PARD3: variants seen among roughly 807,000 people sequenced by gnomAD.
PARD3 encodes the protein partitioning defective 3 homolog.
PARD3 carries 75 observed loss-of-function variants against 155.4 expected under a neutral mutation model. The observed-to-expected ratio is 0.48, with a 90% CI of 0.40 to 0.58. The LOEUF is 0.58. PARD3 is among the 20% of genes least tolerant of loss of function. PARD3 has a pLI of 0.00. For synonymous variants in PARD3, 576 were observed against 610.5 expected (o/e 0.94, Z 0.83); for missense variants, 1,642 against 1,721.7 (o/e 0.95, Z 0.82).
At chr10:34,636,732 G>A (rs1169019375) in intron 2 of PARD3, among the ~76,000 whole-genome samples, 1 of 152,186 alleles carries the variant, frequency 6.6e-6, no homozygotes, top group Non-Finnish European at 1.5e-5. Context: ...GAGGATTCAT[G>A]CCTGGAGAAA....
At chr10:34,785,113 T>C (rs1840786305) in intron 1 of PARD3, among the ~76,000 whole-genome samples, 1 of 152,246 alleles carries the variant, frequency 6.6e-6, no homozygotes. Flanking sequence ...GACAAAGAGT[T>C]CTAAGGACGA....
At chr10:34,814,202 G>C (rs377489192) in intron 1 of PARD3, among the ~76,000 whole-genome samples, 134 of 152,300 alleles carry the variant, frequency 8.8e-4, no homozygotes, top group African/African-American at 2.9e-3. Flanking sequence ...ATGCTCGCAA[G>C]CGAGTGCCAA....
chr10:34,549,571 C>A (rs528740626), intron 2 of PARD3, among the ~76,000 whole-genome samples: 2 of 152,250 alleles, frequency 1.3e-5, no homozygotes, highest in South Asian at 4.1e-4. Context: ...TGCAGCCCCA[C>A]CCCATCCATG....
chr10:34,307,997 T>C (rs897356823), intron 20 of PARD3, among the ~76,000 whole-genome samples: 1 of 152,168 alleles, frequency 6.6e-6, no homozygotes, highest in Non-Finnish European at 1.5e-5. Flanking sequence ...TCTAAAAAGC[T>C]GACTCTTGAA....
chr10:34,412,281 T>C (rs1188780995), intron 5 of PARD3, among the ~76,000 whole-genome samples: 1 of 152,102 alleles, frequency 6.6e-6, no homozygotes, highest in African/African-American at 2.4e-5. Flanking sequence ...ATTAATCCCG[T>C]AGATATCATA....
chr10:34,460,879 C>A (rs2077607449), intron 4 of PARD3, among the ~76,000 whole-genome samples: 1 of 152,026 alleles, frequency 6.6e-6, no homozygotes, highest in Admixed American at 6.6e-5. Context: ...AGCAACAGTA[C>A]CTACACTTCT....
intron 2 of PARD3, among the ~76,000 whole-genome samples, chr10:34,562,928 C>T (rs747560022): frequency 4.3e-4 from 66 of 152,018 alleles, no homozygotes; most frequent in Admixed American, 2.9e-3. Flanking sequence ...TGTGTCACCA[C>T]GCCTGGCTAA....
chr10:34,514,808 A>G (rs1435894069), intron 3 of PARD3, among the ~76,000 whole-genome samples: 1 of 152,220 alleles, frequency 6.6e-6, no homozygotes, highest in African/African-American at 2.4e-5. Flanking sequence ...GAGGAGTCAA[A>G]AGGTAAAAAT....
chr10:34,560,556 A>C (rs563917722), intron 2 of PARD3, among the ~76,000 whole-genome samples: 291 of 152,352 alleles, frequency 1.9e-3, no homozygotes, highest in Admixed American at 4.6e-3. Flanking sequence ...TATGAGATGC[A>C]TTTTCACAAT....
chr10:34,183,942 G>C (rs1211521323), intron 22 of PARD3, among the ~76,000 whole-genome samples: 1 of 152,188 alleles, frequency 6.6e-6, no homozygotes, highest in African/African-American at 2.4e-5. Flanking sequence ...TCAGCCTCCT[G>C]GGTAGCTGAG....
chr10:34,500,637 G>A (rs1464842850), intron 3 of PARD3, among the ~76,000 whole-genome samples: 3 of 152,208 alleles, frequency 2.0e-5, no homozygotes, highest in Non-Finnish European at 2.9e-5. Context: ...GCTTACTCAG[G>A]AGGCTGAGGT....
At chr10:34,710,595 A>G (rs910787611) in intron 1 of PARD3, among the ~76,000 whole-genome samples, 1 of 152,130 alleles carries the variant, frequency 6.6e-6, no homozygotes, top group Non-Finnish European at 1.5e-5. Context: ...ACTACTTTCT[A>G]AAAGTCAAAA....
intron 1 of PARD3, among the ~76,000 whole-genome samples, chr10:34,805,046 G>T (rs1461362678): frequency 6.6e-6 from 1 of 152,164 alleles, no homozygotes; most frequent in African/African-American, 2.4e-5. Context: ...CTAATCTAAA[G>T]GGATGCGGTA....
At chr10:34,500,119 A>C (rs548742267) in intron 3 of PARD3, among the ~76,000 whole-genome samples, 5 of 152,344 alleles carry the variant, frequency 3.3e-5, no homozygotes, top group African/African-American at 1.2e-4. Flanking sequence ...TGCTGAATGC[A>C]AAGCATCAAA....
chr10:34,692,931 G>T (rs570268448), intron 2 of PARD3, among the ~76,000 whole-genome samples: 1 of 152,216 alleles, frequency 6.6e-6, no homozygotes, highest in East Asian at 1.9e-4. Context: ...CATACACATG[G>T]CCAATAAGCT....
intron 1 of PARD3, among the ~76,000 whole-genome samples, chr10:34,776,835 T>TGGGG (rs35834725): frequency 2.2e-4 from 14 of 64,614 alleles, no homozygotes; most frequent in East Asian, 5.7e-4. Flanking sequence ...TGTTTTTTTG[T>TGGGG]GGGGGGGGGG....
intron 3 of PARD3, among the ~76,000 whole-genome samples, chr10:34,478,047 C>T (rs1022268705): frequency 6.6e-6 from 1 of 152,110 alleles, no homozygotes; most frequent in Non-Finnish European, 1.5e-5. Flanking sequence ...CATTTATTTC[C>T]TAGAATCTTT....
At chr10:34,201,823 G>A (rs1210539372) in intron 22 of PARD3, among the ~76,000 whole-genome samples, 1 of 152,130 alleles carries the variant, frequency 6.6e-6, no homozygotes, top group African/African-American at 2.4e-5. Context: ...GTTCTGTTTC[G>A]CAAACATTCA....
chr10:34,217,199 C>G (rs903334547), intron 22 of PARD3, among the ~76,000 whole-genome samples: 4 of 151,870 alleles, frequency 2.6e-5, no homozygotes, highest in Non-Finnish European at 5.9e-5. Context: ...CTCACTGCTT[C>G]CCTGTCCCTG....
Sources: gnomAD v4.1 joint callset for allele counts (sites outside exome capture counted in the v4.1 genomes callset) on GRCh38, gnomAD v4.1.1 for gene constraint, MANE v1.5 for transcripts, NCBI Gene and HGNC (gene_info 2026-07-23, HGNC 2026-07-21) for gene names.